The following BDP1 variants were observed in gnomAD, a reference collection of about 807,000 sequenced individuals.
BDP1 encodes the protein BDP1 general transcription factor IIIB subunit.
A neutral mutation model predicts 266.6 loss-of-function variants in BDP1; 169 were observed. The ratio of observed to expected loss-of-function variants is 0.63; its 90% CI spans 0.56 to 0.72. BDP1 has a LOEUF of 0.72. Among genes scored for constraint, BDP1 ranks in the 30% least tolerant of loss-of-function variants. The probability of loss-of-function intolerance (pLI) is 0.00; values close to 1 mark genes in which losing one functional copy is unlikely to be tolerated. For missense variants in BDP1, 3,015 were observed against 3,053.8 expected, an observed-to-expected ratio of 0.99 and a Z score of 0.30; for synonymous variants, 1,090 against 1,022.4, an observed-to-expected ratio of 1.07 and a Z score of -1.26.
intron 21 of BDP1, 25 bp from the exon 22 acceptor site, chr5:71,517,296 AT>A: frequency 6.4e-7 from 1 of 1,557,176 alleles, no homozygotes; most frequent in Non-Finnish European, 8.7e-7. Flanking sequence ...TAAAAATAAC[AT>A]ACTAATATGA....
At chr5:71,547,961 A>G (rs895784137) in intron 32 of BDP1, among the ~76,000 whole-genome samples, 1 of 152,042 alleles carries the variant, frequency 6.6e-6, no homozygotes, top group Admixed American at 6.6e-5. Flanking sequence ...TCAAAAAAAT[A>G]AATAAATAAA....
At chr5:71,511,503 A>G (rs434745) in intron 17 of BDP1, among the ~76,000 whole-genome samples, 12 of 152,072 alleles carry the variant, frequency 7.9e-5, no homozygotes, top group African/African-American at 2.9e-4. Context: ...AAAATAAAAT[A>G]CAATAACAAG....
chr5:71,537,149 C>CAAAAAAA (rs70992979), intron 26 of BDP1, among the ~76,000 whole-genome samples: 536 of 82,174 alleles, frequency 6.5e-3, no homozygotes, highest in Non-Finnish European at 7.1e-3. Context: ...ACCAAAAAAC[C>CAAAAAAA]AAAAAAAAAA....
At chr5:71,560,414 T>G (rs971228085) in intron 37 of BDP1, among the ~76,000 whole-genome samples, 177 bp downstream of exon 37, 1 of 152,270 alleles carries the variant, frequency 6.6e-6, no homozygotes, top group African/African-American at 2.4e-5. Flanking sequence ...ATACACATTC[T>G]GTACAATAAG....
chr5:71,530,302 T>G (rs1489404777), intron 25 of BDP1, among the ~76,000 whole-genome samples: 2 of 152,172 alleles, frequency 1.3e-5, no homozygotes, highest in Non-Finnish European at 2.9e-5. Flanking sequence ...TGGCATGATT[T>G]CAGCTTGCTG....
intron 4 of BDP1, among the ~76,000 whole-genome samples, chr5:71,465,265 C>T (rs1761834275): frequency 6.6e-6 from 1 of 151,914 alleles, no homozygotes; most frequent in South Asian, 2.1e-4. Context: ...TGCTATATAA[C>T]TATAAGCATT....
At position 71,556,889 on chromosome 5, in the gene BDP1, C is replaced by T; in HGVS notation, c.7204C>T (p.His2402Tyr). 2.8e-6 allele frequency: 4 copies of T among 1,409,958 alleles called. No homozygotes were observed. Among genetic ancestry groups the T allele is most frequent in the Non-Finnish European group, 3.8e-6 (4 of 1,051,768 alleles). 87.3% of individuals were successfully genotyped at this position (1,409,958 alleles called of 1,614,324 possible). Residue 2402 changes from histidine to tyrosine, a missense_variant, in exon 36 of 39, where the codon CAC (histidine) becomes TAC (tyrosine). This residue lies in a region of BDP1 where 629 missense variants were observed against 632.5 expected (regional missense o/e 0.99). Coordinates refer to ENST00000358731, the MANE Select transcript of BDP1 (RefSeq NM_018429.3). Reference protein sequence around the residue: ...DDCQEYTTEVHSKELTNVFEE... With the variant: ...DDCQEYTTEVYSKELTNVFEE... ...TTTTTAAATTTTCTTAAAATAGGTG[C>T]ACTCAAAGGAATTAACAAATGTTTT...
intron 35 of BDP1, among the ~76,000 whole-genome samples, chr5:71,554,666 T>C (rs1230980945): frequency 6.6e-6 from 1 of 152,210 alleles, no homozygotes; most frequent in African/African-American, 2.4e-5. Context: ...ATTTAAAAAA[T>C]GGTAGTTATA....
chr5:71,495,935 G>T (rs1033123829), intron 12 of BDP1, among the ~76,000 whole-genome samples: 1 of 151,802 alleles, frequency 6.6e-6, no homozygotes, highest in African/African-American at 2.4e-5. Context: ...ATCTCATATG[G>T]GCTTAAAAGC....
chr5:71,549,131 G>C (rs545751768), intron 33 of BDP1, among the ~76,000 whole-genome samples: 3 of 152,222 alleles, frequency 2.0e-5, no homozygotes, highest in African/African-American at 7.2e-5. Context: ...CCATCTACTT[G>C]GGAGACTGAG....
chr5:71,455,784 A>T lies in BDP1; in HGVS notation c.-94A>T, dbSNP rs1295365671. On this transcript the variant is annotated 5_prime_UTR_variant, in exon 1 of 39. Transcript: ENST00000358731. Reference sequence around the variant, plus strand: ...GAGCTGGTGGTGTGGCTTTGTGGGGAGGGCGTAGTTCCTAATCCCCTTTCC... The same window carrying T: ...GAGCTGGTGGTGTGGCTTTGTGGGGTGGGCGTAGTTCCTAATCCCCTTTCC... The T allele has an allele frequency of 9.6e-7, 1 of 1,039,996 alleles. No individual in the cohort carries two copies. 64.4% of individuals were successfully genotyped at this position (1,039,996 alleles called of 1,614,324 possible).
chr5:71,571,782 C>T (rs1281603322), downstream of BDP1, among the ~76,000 whole-genome samples: 1 of 152,058 alleles, frequency 6.6e-6, no homozygotes, highest in Non-Finnish European at 1.5e-5. Flanking sequence ...TACAGGCATG[C>T]CCCACTATTT....
At chr5:71,541,417 G>C in intron 28 of BDP1, 37 bp from the exon 29 acceptor site, 1 of 820,014 alleles carries the variant, frequency 1.2e-6, no homozygotes, top group Non-Finnish European at 1.8e-6. Context: ...TCTATAATTT[G>C]GTCCATTTTA....
At chr5:71,458,974 G>A in intron 2 of BDP1, 119 bp downstream of exon 2, 2 of 898,904 alleles carry the variant, frequency 2.2e-6, no homozygotes, top group Non-Finnish European at 3.3e-6. Flanking sequence ...ACATCCCTTA[G>A]TCAATAGAAC....
intron 26 of BDP1, among the ~76,000 whole-genome samples, chr5:71,537,310 C>T (rs1261117645): frequency 6.6e-6 from 1 of 152,088 alleles, no homozygotes. Flanking sequence ...TCCCATAATT[C>T]AATATCGCAC....
In BDP1 at chr5:71,565,908, G is replaced by C. The variant is rs571929439; in HGVS notation, c.*1023G>C. 3.3e-4 allele frequency: 51 copies of C among 156,550 alleles called. No homozygotes were observed. Among genetic ancestry groups the C allele is most frequent in the Non-Finnish European group, 5.8e-4 (41 of 70,648 alleles). 9.7% of individuals were successfully genotyped at this position (156,550 alleles called of 1,614,324 possible). ...TATTTATAAAGATGACACATCAAAG[G>C]GCTTATTTATTTTTAAATTTTTTAT... On this transcript the variant is annotated 3_prime_UTR_variant, in exon 39 of 39. Transcript: ENST00000358731.
chr5:71,560,643 A>G (rs776134226), intron 37 of BDP1, among the ~76,000 whole-genome samples: 6 of 152,226 alleles, frequency 3.9e-5, no homozygotes, highest in African/African-American at 1.4e-4. Context: ...GAGGTAAACC[A>G]TGGCTTTCTC....
rs755742942 is a variant in BDP1, at chr5:71,542,091, T to C, written c.6252-14T>C. On this transcript the variant is annotated splice_polypyrimidine_tract_variant and intron_variant, in intron 29 of 38. Coordinates refer to ENST00000358731, the MANE Select transcript of BDP1 (RefSeq NM_018429.3). The stretch of plus-strand genomic sequence containing the variant: ...CTAACATGATTCATGAATTTCTCTA[T>C]CTTCTGTTTTTAGGAATACAATTTC... 9 of 1,592,356 alleles carry C rather than the reference T, an allele frequency of 5.7e-6. No individual in the cohort carries two copies. Among genetic ancestry groups the C allele is most frequent in the Non-Finnish European group, 7.7e-6 (9 of 1,167,704 alleles).
intron 37 of BDP1, among the ~76,000 whole-genome samples, chr5:71,561,842 A>G (rs1282352016): frequency 6.6e-6 from 1 of 152,180 alleles, no homozygotes; most frequent in Non-Finnish European, 1.5e-5. Context: ...TTTGAATGCT[A>G]GAGATGTTCT....
Sources: allele counts gnomAD v4.1 joint callset (sites outside exome capture counted in the v4.1 genomes callset), GRCh38; gene constraint gnomAD v4.1.1; regional missense constraint gnomAD v4.1.1; transcripts MANE v1.5; gene names NCBI Gene and HGNC (gene_info 2026-07-23, HGNC 2026-07-21).